CTNNA2: variants seen among roughly 807,000 people sequenced by gnomAD.
The protein encoded by CTNNA2 is catenin alpha 2, also known as catenin alpha-2.
CTNNA2 carries 42 observed loss-of-function variants against 101.0 expected under a neutral mutation model. The ratio of observed to expected loss-of-function variants is 0.42; its 90% CI spans 0.32 to 0.54. The LOEUF is 0.54. CTNNA2 is among the 20% of genes least tolerant of loss of function. The pLI, the probability that CTNNA2 is intolerant of heterozygous loss-of-function variation, is 0.14. For synonymous variants in CTNNA2, 450 were observed against 456.4 expected (o/e 0.99, Z 0.18); for missense variants, 871 against 1,223.1 (o/e 0.71, Z 4.29).
chr2:80,436,380 T>TC (rs770119915), intron 9 of CTNNA2, among the ~76,000 whole-genome samples: 2 of 149,990 alleles, frequency 1.3e-5, no homozygotes, highest in East Asian at 4.0e-4. Context: ...TCTGTAATGT[T>TC]CAAGTTTGTG....
At chr2:79,347,470 A>G (rs1362813497) in intron 3 of CTNNA2, among the ~76,000 whole-genome samples, 1 of 152,240 alleles carries the variant, frequency 6.6e-6, no homozygotes, top group East Asian at 1.9e-4. Flanking sequence ...TGTCTAGCAT[A>G]GTTATGGCAT....
At chr2:79,790,920 T>C (rs1021267773) in intron 3 of CTNNA2, among the ~76,000 whole-genome samples, 4 of 152,194 alleles carry the variant, frequency 2.6e-5, no homozygotes, top group African/African-American at 9.7e-5. Context: ...TTATGAACCA[T>C]TTTGCAGATC....
intron 4 of CTNNA2, among the ~76,000 whole-genome samples, chr2:79,411,394 G>A (rs1250659068): frequency 2.6e-5 from 4 of 151,906 alleles, no homozygotes; most frequent in East Asian, 3.9e-4. Context: ...TGTGATGTTA[G>A]GGTGTCAATT....
At chr2:79,265,462 C>T (rs1674976235) in intron 2 of CTNNA2, among the ~76,000 whole-genome samples, 1 of 152,058 alleles carries the variant, frequency 6.6e-6, no homozygotes. Context: ...TGGAAAGAGC[C>T]TAAGACTCAT....
At chr2:80,057,947 A>G (rs1278859840) in intron 7 of CTNNA2, among the ~76,000 whole-genome samples, 2 of 152,214 alleles carry the variant, frequency 1.3e-5, no homozygotes, top group Non-Finnish European at 2.9e-5. Flanking sequence ...CTTTCATACT[A>G]AAAATGAGAA....
chr2:79,910,457 G>A (rs941127691), intron 7 of CTNNA2, among the ~76,000 whole-genome samples: 3 of 152,162 alleles, frequency 2.0e-5, no homozygotes, highest in African/African-American at 7.2e-5. Context: ...CCTGCAAGAA[G>A]GTGATGAAAC....
chr2:80,001,199 C>T (rs1692922968), intron 7 of CTNNA2, among the ~76,000 whole-genome samples: 1 of 152,098 alleles, frequency 6.6e-6, no homozygotes, highest in Non-Finnish European at 1.5e-5. Flanking sequence ...GAGTCTGTGT[C>T]ACCAGTGGAA....
At chr2:80,608,858 G>T (rs374832764) in intron 17 of CTNNA2, among the ~76,000 whole-genome samples, 1 of 151,772 alleles carries the variant, frequency 6.6e-6, no homozygotes, top group Non-Finnish European at 1.5e-5. Context: ...CATAATTGTC[G>T]AACACTAACA....
chr2:79,667,160 T>A (rs1344277684), intron 2 of CTNNA2, among the ~76,000 whole-genome samples: 2 of 152,230 alleles, frequency 1.3e-5, no homozygotes, highest in African/African-American at 4.8e-5. Context: ...CTTTTAAAGA[T>A]AAACTAGCCA....
At chr2:79,483,889 T>C (rs371715624) in intron 4 of CTNNA2, among the ~76,000 whole-genome samples, 3 of 152,208 alleles carry the variant, frequency 2.0e-5, no homozygotes, top group African/African-American at 7.2e-5. Context: ...CAAATGTCTT[T>C]TTCATAGAAT....
intron 2 of CTNNA2, among the ~76,000 whole-genome samples, chr2:79,259,124 A>C (rs6757830): frequency 0.075 from 11,396 of 152,190 alleles, 631 homozygotes; most frequent in African/African-American, 0.15. Context: ...GAAATCAGCT[A>C]TATCAGGGAG....
intron 4 of CTNNA2, among the ~76,000 whole-genome samples, chr2:79,416,092 A>C (rs893914905): frequency 6.6e-6 from 1 of 152,032 alleles, no homozygotes; most frequent in African/African-American, 2.4e-5. Context: ...CAACTCTCCT[A>C]GATTATTTCA....
intron 6 of CTNNA2, among the ~76,000 whole-genome samples, chr2:79,885,862 T>G (rs1010667398): frequency 2.0e-5 from 3 of 152,312 alleles, no homozygotes; most frequent in Admixed American, 1.3e-4. Context: ...ATTCAGGTAT[T>G]GGCTACTACT....
chr2:79,290,612 A>G (rs1283706152), intron 2 of CTNNA2, among the ~76,000 whole-genome samples: 1 of 152,128 alleles, frequency 6.6e-6, no homozygotes, highest in Non-Finnish European at 1.5e-5. Flanking sequence ...GCGGCTGGAC[A>G]TCGAGAGGAA....
intron 3 of CTNNA2, among the ~76,000 whole-genome samples, chr2:79,359,658 A>C (rs1236344197): frequency 1.3e-5 from 2 of 152,210 alleles, no homozygotes; most frequent in Non-Finnish European, 2.9e-5. Flanking sequence ...GAGCTAGGAG[A>C]AATTCCTAGA....
At chr2:80,169,488 T>C (rs906977823) in intron 7 of CTNNA2, among the ~76,000 whole-genome samples, 1 of 152,242 alleles carries the variant, frequency 6.6e-6, no homozygotes, top group African/African-American at 2.4e-5. Context: ...GCTTGACTTA[T>C]AACACTTAAA....
rs1439584904 is a variant in CTNNA2, at chr2:79,430,866, C to G, written c.-135+56853C>G. Among the ~76,000 whole-genome samples, 3 of 136,332 alleles carry G rather than the reference C, an allele frequency of 2.2e-5. No individual in the cohort carries two copies. The East Asian group carries it at 6.7e-4, about 30-fold the overall frequency. The allele number at this position is 136,332 out of a possible 152,430, so 89.4% of individuals were successfully genotyped here. On this transcript the variant is annotated intron_variant, in intron 4 of 21. Coordinates refer to the CTNNA2 transcript ENST00000466387. ...GTATAAAGAAATTACTATGTAAAGA[C>G]TTCATTATATTGTGTACACTATTTT... is the stretch of plus-strand genomic sequence containing the variant.
Position 80,581,764 on chromosome 2 carries a change from G to T in CTNNA2, c.1952G>T (p.Ser651Ile). 1 of 1,613,438 alleles carries T rather than the reference G, an allele frequency of 6.2e-7. No individual in the cohort carries two copies. The highest frequency in any genetic ancestry group is 8.5e-7 in the Non-Finnish European group (1 of 1,179,544). The change falls in exon 14 of 19, where the codon AGC becomes ATC. Residue 651 changes from serine (S) to isoleucine (I), a missense_variant. Coordinates refer to ENST00000402739, the MANE Select transcript of CTNNA2 (RefSeq NM_001282597.3). ...GAGCAGGAAGATTATGATGTGCGTA[G>T]CAGGACAAGTGTTCAGACTGAGGAT... The part of the protein sequence containing the change: ...DFEQEDYDVR[S>I]RTSVQTEDDQ...
chr2:79,609,095 C>T (rs959395093), intron 1 of CTNNA2, among the ~76,000 whole-genome samples: 9 of 151,778 alleles, frequency 5.9e-5, no homozygotes, highest in Non-Finnish European at 1.2e-4. Context: ...ATAATAGCAT[C>T]AAAACATATG....
Sources: gnomAD v4.1 joint callset for allele counts (sites outside exome capture counted in the v4.1 genomes callset) on GRCh38, gnomAD v4.1.1 for gene constraint, MANE v1.5 for transcripts, NCBI Gene and HGNC (gene_info 2026-07-23, HGNC 2026-07-21) for gene names.